The following SLC30A6 variants were observed in gnomAD, a reference collection of about 807,000 sequenced individuals.
SLC30A6 encodes the protein solute carrier family 30 member 6.
Under a neutral mutation model 63.0 loss-of-function variants are expected in SLC30A6, and 55 were observed. That is an observed-to-expected ratio of 0.87 (90% CI 0.70 to 1.09). SLC30A6 has a LOEUF of 1.09. Ranked by LOEUF, SLC30A6 falls within the 50% of genes least tolerant of loss-of-function variation. SLC30A6 has a pLI of 0.00. For missense variants in SLC30A6, 587 were observed against 549.2 expected, an observed-to-expected ratio of 1.07 and a Z score of -0.69; for synonymous variants, 224 against 186.1, an observed-to-expected ratio of 1.20 and a Z score of -1.66.
At chr2:32,214,042 T>G (rs1313920786) in intron 13 of SLC30A6, among the ~76,000 whole-genome samples, 2 of 152,120 alleles carry the variant, frequency 1.3e-5, no homozygotes, top group African/African-American at 4.8e-5. Context: ...TCTCTTTTTG[T>G]AGAATCTGCG....
intron 13 of SLC30A6, among the ~76,000 whole-genome samples, chr2:32,210,121 A>T (rs557720023): frequency 1.4e-4 from 21 of 152,234 alleles, no homozygotes; most frequent in Non-Finnish European, 2.8e-4. Flanking sequence ...GTTAGGAATG[A>T]TGAGGAAAAT....
intron 10 of SLC30A6, among the ~76,000 whole-genome samples, chr2:32,200,114 G>GAT (rs1382264686): frequency 4.6e-4 from 69 of 150,910 alleles, no homozygotes; most frequent in African/African-American, 1.4e-3. Context: ...AATATGTGTT[G>GAT]ATATATATAT....
In SLC30A6 at chr2:32,224,010, T is replaced by G. The variant is rs183308493; in HGVS notation, c.*3297T>G. The G allele has an allele frequency of 6.6e-6, 1 of 152,498 alleles. No homozygotes were observed. Among genetic ancestry groups the G allele is most frequent in the Non-Finnish European group, 1.5e-5 (1 of 68,184 alleles). 9.4% of individuals were successfully genotyped at this position (152,498 alleles called of 1,614,324 possible). A position where few individuals can be genotyped will look rare whatever the true frequency, so the allele number is the denominator to read the frequency against. ...AAAGAATGCTGATCTTTTTTGGGAG[T>G]CTGATCTCCTTCTAATATCAGAAAG... On this transcript the variant is annotated 3_prime_UTR_variant, in exon 14 of 14. Coordinates refer to ENST00000282587, the MANE Select transcript of SLC30A6 (RefSeq NM_017964.5).
chr2:32,191,812 G>GAGCCTGGGAGTTCAGGGTCC (rs1683347315), intron 5 of SLC30A6, among the ~76,000 whole-genome samples: 1 of 152,000 alleles, frequency 6.6e-6, no homozygotes, highest in Non-Finnish European at 1.5e-5. Context: ...AGGATTACTT[G>GAGCCTGGGAGTTCAGGGTCC]AGCCTGGGAG....
rs151081987 is a variant in SLC30A6, at chr2:32,192,427, A to G, written c.365+11A>G. The G allele has an allele frequency of 9.5e-5, 152 of 1,606,604 alleles. 1 individual carries two copies. The highest frequency in any genetic ancestry group is 2.3e-4 in the African/African-American group (17 of 74,884). On this transcript the variant is annotated intron_variant, in intron 6 of 13. Transcript: ENST00000282587. ...TATATTAAAAGAAAGGTACATTTGT[A>G]TAGGATATTATTCTAAATCCCCCCA...
At chr2:32,171,064 C>A (rs1439072558) in intron 1 of SLC30A6, among the ~76,000 whole-genome samples, 1 of 152,200 alleles carries the variant, frequency 6.6e-6, no homozygotes, top group South Asian at 2.1e-4. Context: ...TTTACTAGCT[C>A]TGTGACTTTG....
At chr2:32,182,492 T>C (rs1303478979) in intron 4 of SLC30A6, among the ~76,000 whole-genome samples, 7 of 152,234 alleles carry the variant, frequency 4.6e-5, no homozygotes, top group East Asian at 3.9e-4. Context: ...TGGAGCTCTA[T>C]TGGGGGAGCA....
In SLC30A6 at chr2:32,223,741, T is replaced by A. The variant is rs1686266171; in HGVS notation, c.*3028T>A. ...TTGCCTCTACTTAAATATATTTAGA[T>A]GAGAGAGTTCTCTTAGACTTCTTTC... On this transcript the variant is annotated 3_prime_UTR_variant, in exon 14 of 14. Transcript: ENST00000282587. 1 of 152,240 alleles carries A rather than the reference T, an allele frequency of 6.6e-6. No individual in the cohort carries two copies. Among genetic ancestry groups the A allele is most frequent in the Non-Finnish European group, 1.5e-5 (1 of 68,042 alleles). 9.4% of individuals were successfully genotyped at this position (152,240 alleles called of 1,614,324 possible). A position where few individuals can be genotyped will look rare whatever the true frequency, so the allele number is the denominator to read the frequency against.
intron 5 of SLC30A6, among the ~76,000 whole-genome samples, chr2:32,188,769 T>C (rs958942072): frequency 2.6e-5 from 4 of 152,220 alleles, no homozygotes; most frequent in African/African-American, 9.6e-5. Context: ...TTTTAAGAAA[T>C]GAATACATTT....
chr2:32,209,629 A>C, intron 13 of SLC30A6, 68 bp downstream of exon 13: 1 of 1,351,252 alleles, frequency 7.4e-7, no homozygotes, highest in Non-Finnish European at 1.0e-6. Context: ...AAACTGAAAA[A>C]AAATATTTCC....
intron 1 of SLC30A6, among the ~76,000 whole-genome samples, chr2:32,167,880 A>G (rs932638673): frequency 8.5e-5 from 13 of 152,236 alleles, no homozygotes; most frequent in Admixed American, 8.5e-4. Context: ...GTTTTTTACC[A>G]GTAACATCTG....
intron 5 of SLC30A6, chr2:32,187,204 C>A (rs1349231363): frequency 2.1e-6 from 1 of 471,026 alleles, no homozygotes. Context: ...TTTTCTCCAC[C>A]AATCCGAAAT....
At chr2:32,191,936 AGCACTCTGGTGTCTAAC>A (rs1304333266) in intron 5 of SLC30A6, among the ~76,000 whole-genome samples, 1 of 152,130 alleles carries the variant, frequency 6.6e-6, no homozygotes. Context: ...TAATATGTTA[AGCACTCTGGTGTCTAAC>A]GCACAGTGGG....
chr2:32,182,333 T>A (rs1682402556), intron 4 of SLC30A6, among the ~76,000 whole-genome samples: 2 of 152,228 alleles, frequency 1.3e-5, no homozygotes, highest in African/African-American at 4.8e-5. Context: ...CTAGATTATT[T>A]GCTGAACTTC....
intron 4 of SLC30A6, among the ~76,000 whole-genome samples, chr2:32,183,940 A>G (rs1682582078): frequency 6.6e-6 from 1 of 152,162 alleles, no homozygotes; most frequent in African/African-American, 2.4e-5. Flanking sequence ...ATTTTTTAGC[A>G]TTTTCAGTTA....
intron 1 of SLC30A6, 138 bp downstream of exon 1, chr2:32,166,041 G>C (rs1262021150): frequency 4.8e-6 from 6 of 1,261,598 alleles, no homozygotes; most frequent in Non-Finnish European, 6.9e-6. Context: ...TGGCAGGAGC[G>C]GCTGTCTCCC....
In SLC30A6 at chr2:32,223,020, T is replaced by G. The variant is rs1448899063; in HGVS notation, c.*2307T>G. 1 of 152,168 alleles carries G rather than the reference T, an allele frequency of 6.6e-6. No homozygotes were observed. The allele number at this position is 152,168 out of a possible 1,614,324, so 9.4% of individuals were successfully genotyped here. On this transcript the variant is annotated 3_prime_UTR_variant, in exon 14 of 14. Transcript: ENST00000282587. ...ACCAAAGGTGCTTTAATACCTACCTTCACTATTTGAGAAAGGACACTCACA... is the reference window on the plus strand; with the variant it reads ...ACCAAAGGTGCTTTAATACCTACCTGCACTATTTGAGAAAGGACACTCACA...
At chr2:32,168,092 CATT>C (rs1334657829) in intron 1 of SLC30A6, among the ~76,000 whole-genome samples, 5 of 152,088 alleles carry the variant, frequency 3.3e-5, no homozygotes, top group African/African-American at 9.7e-5. Flanking sequence ...ATGCTTGAAA[CATT>C]AGTATTAGTC....
chr2:32,208,688 T>C (rs1449188968), intron 12 of SLC30A6, among the ~76,000 whole-genome samples: 1 of 150,870 alleles, frequency 6.6e-6, no homozygotes, highest in Admixed American at 6.6e-5. Context: ...ATTGTTGTAC[T>C]TTTTTAGTAG....
Sources: allele counts gnomAD v4.1 joint callset (sites outside exome capture counted in the v4.1 genomes callset), GRCh38; gene constraint gnomAD v4.1.1; transcripts MANE v1.5; gene names NCBI Gene and HGNC (gene_info 2026-07-23, HGNC 2026-07-21).